The following TMEM132D variants were observed in gnomAD, a reference collection of about 807,000 sequenced individuals.
TMEM132D encodes mature OL transmembrane protein.
Under a neutral mutation model 62.3 loss-of-function variants are expected in TMEM132D, and 21 were observed. The ratio of observed to expected loss-of-function variants is 0.34; its 90% confidence interval spans 0.24 to 0.49. The LOEUF (loss-of-function observed/expected upper bound fraction) is 0.49, where lower values mean the gene tolerates loss of function less well. TMEM132D is among the 20% of genes least tolerant of loss of function. The pLI is 0.99. For missense variants in TMEM132D, 1,346 were observed against 1,402.8 expected (o/e 0.96, Z 0.65); for synonymous variants, 621 against 575.6 (o/e 1.08, Z -1.13).
chr12:129,386,053 C>T (rs899797987), intron 3 of TMEM132D, among the ~76,000 whole-genome samples: 1 of 152,168 alleles, frequency 6.6e-6, no homozygotes, highest in African/African-American at 2.4e-5. Flanking sequence ...TTGGGACAGT[C>T]ACTTTCCTGC....
At chr12:129,606,020 GAAC>G (rs1878615994) in intron 2 of TMEM132D, among the ~76,000 whole-genome samples, 2 of 152,052 alleles carry the variant, frequency 1.3e-5, no homozygotes, top group Non-Finnish European at 1.5e-5. Context: ...GGTGGAACAA[GAAC>G]TTGAACCCTC....
intron 4 of TMEM132D, among the ~76,000 whole-genome samples, chr12:129,227,138 A>G (rs1879500345): frequency 6.6e-6 from 1 of 151,876 alleles, no homozygotes; most frequent in South Asian, 2.1e-4. Context: ...TAAATTTAGT[A>G]AGCTGCTAAA....
chr12:129,503,839 T>C (rs1267876844), intron 3 of TMEM132D, among the ~76,000 whole-genome samples: 2 of 152,152 alleles, frequency 1.3e-5, no homozygotes, highest in Admixed American at 6.6e-5. Context: ...TCTTTCACTT[T>C]TGAAACACAA....
At chr12:129,899,680 G>A (rs1348889907) in intron 1 of TMEM132D, among the ~76,000 whole-genome samples, 1 of 151,890 alleles carries the variant, frequency 6.6e-6, no homozygotes, top group East Asian at 1.9e-4. Context: ...TTTTTTCTTG[G>A]CTCTTAGAAT....
At chr12:129,586,056 G>A (rs992287891) in intron 2 of TMEM132D, among the ~76,000 whole-genome samples, 4 of 151,246 alleles carry the variant, frequency 2.6e-5, no homozygotes, top group African/African-American at 9.9e-5. Context: ...TAAAATAGAG[G>A]GTCTAGCAGC....
intron 4 of TMEM132D, among the ~76,000 whole-genome samples, chr12:129,278,898 A>G (rs1341856962): frequency 6.6e-6 from 1 of 152,140 alleles, no homozygotes; most frequent in Non-Finnish European, 1.5e-5. Context: ...ATAGGCCTGG[A>G]TGGGGCCAAG....
intron 2 of TMEM132D, among the ~76,000 whole-genome samples, chr12:129,624,626 G>A (rs1050984395): frequency 6.6e-6 from 1 of 152,272 alleles, no homozygotes; most frequent in Admixed American, 6.5e-5. Flanking sequence ...CAGACACCCA[G>A]TGCTCACCTT....
intron 5 of TMEM132D, among the ~76,000 whole-genome samples, chr12:129,150,049 C>T (rs1035484835): frequency 2.0e-5 from 3 of 152,234 alleles, no homozygotes; most frequent in African/African-American, 7.2e-5. Flanking sequence ...TTACAGATGG[C>T]AGCAGGCAGA....
intron 2 of TMEM132D, among the ~76,000 whole-genome samples, chr12:129,662,812 A>AAAAAAAAAAGAG (rs1555224287): frequency 4.8e-5 from 4 of 83,418 alleles, no homozygotes; most frequent in African/African-American, 1.0e-4. Flanking sequence ...AAAAAAAAAA[A>AAAAAAAAAAGAG]AGAGAGAGAG....
intron 5 of TMEM132D, among the ~76,000 whole-genome samples, chr12:129,172,343 G>T (rs1005096510): frequency 6.6e-6 from 1 of 152,188 alleles, no homozygotes; most frequent in Non-Finnish European, 1.5e-5. Context: ...TCAGCAAAAG[G>T]CTATTTCACT....
chr12:129,316,502 T>C (rs1475826659), intron 4 of TMEM132D, among the ~76,000 whole-genome samples: 4 of 152,222 alleles, frequency 2.6e-5, no homozygotes, highest in Admixed American at 2.6e-4. Flanking sequence ...CACTGTGGTC[T>C]GAGAGAGTCC....
chr12:129,167,284 C>T (rs11609593), intron 5 of TMEM132D, among the ~76,000 whole-genome samples: 68,811 of 151,836 alleles, frequency 0.45, 17,732 homozygotes, highest in African/African-American at 0.7. Flanking sequence ...GCAGGTGGGA[C>T]CACTGCAATT....
chr12:129,441,953 A>T (rs1418391143), intron 3 of TMEM132D, among the ~76,000 whole-genome samples: 1 of 152,166 alleles, frequency 6.6e-6, no homozygotes, highest in Non-Finnish European at 1.5e-5. Context: ...GGACATAAAG[A>T]TGGCAACAGT....
intron 5 of TMEM132D, among the ~76,000 whole-genome samples, chr12:129,147,815 T>C (rs1876956181): frequency 6.6e-6 from 1 of 152,232 alleles, no homozygotes; most frequent in Admixed American, 6.5e-5. Flanking sequence ...AAGCTTTTTG[T>C]GGGACACACT....
intron 6 of TMEM132D, among the ~76,000 whole-genome samples, chr12:129,082,728 G>A (rs55698102): frequency 0.3 from 46,344 of 151,998 alleles, 7,199 homozygotes; most frequent in African/African-American, 0.36. Flanking sequence ...TTGATAATAC[G>A]TGTTGTTCTT....
At chr12:129,523,016 G>A (rs1398814577) in intron 3 of TMEM132D, among the ~76,000 whole-genome samples, 1 of 152,044 alleles carries the variant, frequency 6.6e-6, no homozygotes, top group Non-Finnish European at 1.5e-5. Context: ...TATAGATACA[G>A]ACATAGAAAT....
intron 4 of TMEM132D, among the ~76,000 whole-genome samples, chr12:129,231,431 C>T (rs1879636890): frequency 6.6e-6 from 1 of 152,124 alleles, no homozygotes; most frequent in South Asian, 2.1e-4. Flanking sequence ...CAAATCTTGT[C>T]CCATTCCTGA....
At chr12:129,549,163 C>A (rs1019332183) in intron 2 of TMEM132D, among the ~76,000 whole-genome samples, 2 of 151,208 alleles carry the variant, frequency 1.3e-5, no homozygotes, top group Non-Finnish European at 2.9e-5. Flanking sequence ...GTGGTTCCCC[C>A]CTACTGTTCT....
At chr12:129,713,102 T>C (rs1456463103) in intron 1 of TMEM132D, among the ~76,000 whole-genome samples, 1 of 152,152 alleles carries the variant, frequency 6.6e-6, no homozygotes, top group East Asian at 1.9e-4. Context: ...TCTTCGTGTG[T>C]GACCTTCACA....
Sources: allele counts gnomAD v4.1 joint callset (sites outside exome capture counted in the v4.1 genomes callset), GRCh38; gene constraint gnomAD v4.1.1; transcripts MANE v1.5; gene names NCBI Gene and HGNC (gene_info 2026-07-23, HGNC 2026-07-21).